The following ALG12 variants were observed in gnomAD, a reference collection of about 807,000 sequenced individuals.
The protein encoded by ALG12 is ALG12 alpha-1,6-mannosyltransferase.
ALG12 carries 36 observed loss-of-function variants against 46.0 expected under a neutral mutation model. The observed-to-expected ratio is 0.78, with a 90% CI of 0.60 to 1.03. The LOEUF is 1.03. Among genes scored for constraint, ALG12 ranks in the 50% least tolerant of loss-of-function variants. The pLI is 0.00. For missense variants in ALG12, 599 were observed against 633.5 expected (o/e 0.95, Z 0.58); for synonymous variants, 326 against 291.6 (o/e 1.12, Z -1.20).
intron 3 of ALG12, 41 bp from the exon 4 acceptor site, chr22:49,910,648 G>T: frequency 6.2e-7 from 1 of 1,613,338 alleles, no homozygotes; most frequent in East Asian, 2.2e-5. Flanking sequence ...TGCAGTGGAG[G>T]AGTATCCAGT....
chr22:49,884,740 C>A, the ALG12 span: 1 of 1,593,470 alleles, frequency 6.3e-7, no homozygotes, highest in Non-Finnish European at 8.6e-7. Context: ...CACTCTGCTG[C>A]CTTCCTTGCT....
chr22:49,868,957 CAA>C, the ALG12 span, among the ~76,000 whole-genome samples: 479 of 131,642 alleles, frequency 3.6e-3, no homozygotes, highest in African/African-American at 4.9e-3. Context: ...ACTAAAAATA[CAA>C]AAAAAAAAAA....
the ALG12 span, chr22:49,886,312 C>G: frequency 6.4e-7 from 1 of 1,572,098 alleles, no homozygotes; most frequent in Non-Finnish European, 8.7e-7. This position sits in a 1 kb window ranked among gnomAD's most constrained non-coding sequence, Gnocchi z 7.7. Context: ...TCAGCATCAC[C>G]TCATCCAGGA....
chr22:49,868,434 A>G, the ALG12 span, among the ~76,000 whole-genome samples: 2 of 152,108 alleles, frequency 1.3e-5, no homozygotes, highest in East Asian at 3.8e-4. Flanking sequence ...GCAAAAAATT[A>G]ACTGGGTGGT....
chr22:49,885,785 T>G, the ALG12 span: 4 of 1,605,234 alleles, frequency 2.5e-6, no homozygotes, highest in Non-Finnish European at 3.4e-6. Flanking sequence ...ATCCCAGGTA[T>G]GTATGATAAT....
chr22:49,874,242 G>A, the ALG12 span, among the ~76,000 whole-genome samples: 591 of 152,320 alleles, frequency 3.9e-3, 4 homozygotes, highest in African/African-American at 0.013. Flanking sequence ...TCCCGGATGC[G>A]TCTCATAAGG....
the ALG12 span, chr22:49,883,466 A>G: frequency 3.0e-6 from 2 of 661,822 alleles, no homozygotes; most frequent in South Asian, 3.3e-5. Context: ...CTTGGAAAGC[A>G]GTGATCTATG....
chr22:49,859,742 T>C, the ALG12 span, among the ~76,000 whole-genome samples: 9 of 152,312 alleles, frequency 5.9e-5, no homozygotes, highest in African/African-American at 1.9e-4. Context: ...ATTATGTAGT[T>C]TTGCGGGGTG....
At chr22:49,869,917 G>A in the ALG12 span, among the ~76,000 whole-genome samples, 7 of 152,168 alleles carry the variant, frequency 4.6e-5, no homozygotes, top group South Asian at 2.1e-4. Context: ...CGCCCAGATC[G>A]TGAGCATGGT....
Position 49,913,627 on chromosome 22 carries a change from A to G in ALG12, c.139T>C (p.Tyr47His), listed in dbSNP as rs1487133520. The G allele has an allele frequency of 1.3e-5, 21 of 1,614,032 alleles. No individual in the cohort carries two copies. Among genetic ancestry groups the G allele is most frequent in the Non-Finnish European group, 1.8e-5 (21 of 1,180,038 alleles). The change falls in exon 2 of 10, where the codon TAC (tyrosine) becomes CAC (histidine). Residue 47 changes from tyrosine (Y) to histidine (H), a missense_variant. By Grantham distance (83) the Tyr-to-His change is moderately conservative. Coordinates refer to ENST00000330817, the MANE Select transcript of ALG12 (RefSeq NM_024105.4). ...ACCTGCTCCAGGTCTTGCCAGTGGT[A>G]GAGCAGGTCATGTGTGGCCTGCAGG... is the stretch of plus-strand genomic sequence containing the variant. ...FNLQATHDLL[Y>H]HWQDLEQYDH...
At chr22:49,895,687 A>G (rs1401441312), downstream of ALG12, among the ~76,000 whole-genome samples, 1 of 151,672 alleles carries the variant, frequency 6.6e-6, no homozygotes, top group African/African-American at 2.4e-5. Context: ...TGCTGTAAGG[A>G]GAGTTTGTAT....
the ALG12 span, chr22:49,887,799 T>C: frequency 6.0e-6 from 1 of 167,294 alleles, no homozygotes; most frequent in Non-Finnish European, 1.5e-5. Context: ...TTGAGAACTT[T>C]CCCATTTCAG....
At chr22:49,908,526 C>CAAA (rs11432710) in intron 6 of ALG12, among the ~76,000 whole-genome samples, 4 of 54,988 alleles carry the variant, frequency 7.3e-5, no homozygotes, top group Non-Finnish European at 1.1e-4. Flanking sequence ...GACTCTGTCT[C>CAAA]AAAAAAAAAA....
At chr22:49,891,057 C>T in the ALG12 span, among the ~76,000 whole-genome samples, 6 of 152,104 alleles carry the variant, frequency 3.9e-5, no homozygotes, top group Non-Finnish European at 7.3e-5. Flanking sequence ...GTTCTTTGGC[C>T]CTCCAGAAAG....
the ALG12 span, among the ~76,000 whole-genome samples, chr22:49,890,586 C>T: frequency 5.9e-5 from 9 of 152,296 alleles, no homozygotes; most frequent in East Asian, 1.7e-3. Flanking sequence ...CCCAACAAAA[C>T]TCTTGAAGAA....
At chr22:49,868,279 A>G in the ALG12 span, among the ~76,000 whole-genome samples, 1 of 152,254 alleles carries the variant, frequency 6.6e-6, no homozygotes, top group Non-Finnish European at 1.5e-5. Flanking sequence ...CAGTGTTACA[A>G]GCAAACAAAT....
the ALG12 span, among the ~76,000 whole-genome samples, chr22:49,872,630 A>G: frequency 1.3e-5 from 2 of 152,246 alleles, no homozygotes; most frequent in African/African-American, 4.8e-5. Flanking sequence ...CTTGGTCTCA[A>G]GCGAACCTCC....
chr22:49,914,462 C>T (rs1470391034), intron 1 of ALG12, among the ~76,000 whole-genome samples: 1 of 152,224 alleles, frequency 6.6e-6, no homozygotes, highest in East Asian at 1.9e-4. Flanking sequence ...AAGGTGGCAC[C>T]ACACTGGCCA....
the ALG12 span, among the ~76,000 whole-genome samples, chr22:49,868,818 G>A: frequency 6.6e-6 from 1 of 151,892 alleles, no homozygotes; most frequent in South Asian, 2.1e-4. Flanking sequence ...GGATTGAAAC[G>A]TCACGGATGC....
Sources: gnomAD v4.1 joint callset for allele counts (sites outside exome capture counted in the v4.1 genomes callset) on GRCh38, gnomAD v4.1.1 for gene constraint, Gnocchi (gnomAD v3.1) non-coding constraint, MANE v1.5 for transcripts, NCBI Gene and HGNC (gene_info 2026-07-23, HGNC 2026-07-21) for gene names.